TRIM24: variants seen among roughly 807,000 people sequenced by gnomAD.
TRIM24 encodes the protein transcription intermediary factor 1-alpha.
A neutral mutation model predicts 123.9 loss-of-function variants in TRIM24; 29 were observed. The ratio of observed to expected loss-of-function variants is 0.23; its 90% CI spans 0.17 to 0.32. The LOEUF (loss-of-function observed/expected upper bound fraction) is 0.32, where lower values mean the gene tolerates loss of function less well. Ranked by LOEUF, TRIM24 falls within the 10% of genes least tolerant of loss-of-function variation. The probability of loss-of-function intolerance (pLI) is 1.00; values close to 1 mark genes in which losing one functional copy is unlikely to be tolerated. For missense variants in TRIM24, 932 were observed against 1,295.3 expected, an observed-to-expected ratio of 0.72 and a Z score of 4.31; for synonymous variants, 456 against 461.1, an observed-to-expected ratio of 0.99 and a Z score of 0.14.
chr7:138,479,835 T>C (rs1483328322), intron 1 of TRIM24, among the ~76,000 whole-genome samples: 1 of 150,152 alleles, frequency 6.7e-6, no homozygotes, highest in Non-Finnish European at 1.5e-5. Context: ...TTATTTTTTT[T>C]TGAGACAGAG....
In TRIM24 at chr7:138,551,089, T is replaced by C; in HGVS notation, c.1170T>C (p.Leu390=). The C allele has an allele frequency of 1.2e-6, 2 of 1,613,824 alleles. No individual in the cohort carries two copies. The highest frequency in any genetic ancestry group is 1.7e-6 in the Non-Finnish European group (2 of 1,179,778). Residue 390 remains leucine, a synonymous_variant, in exon 8 of 19, where the codon CTT becomes CTC. Coordinates refer to ENST00000343526, the MANE Select transcript of TRIM24 (RefSeq NM_015905.3). The part of the protein sequence containing the change: ...RLITYRLRHL[L]RARCDASPVT... ...TTACATACCGGTTACGGCACCTCCTTCGTGCAAGGTGTGATGCATCCCCAG... is the reference window on the plus strand; with the variant it reads ...TTACATACCGGTTACGGCACCTCCTCCGTGCAAGGTGTGATGCATCCCCAG...
At chr7:138,532,131 G>A (rs1180830729) in intron 6 of TRIM24, among the ~76,000 whole-genome samples, 2 of 151,798 alleles carry the variant, frequency 1.3e-5, no homozygotes, top group Non-Finnish European at 2.9e-5. Flanking sequence ...TGTCAGATGA[G>A]TAGATTGCAA....
intron 7 of TRIM24, among the ~76,000 whole-genome samples, chr7:138,539,323 T>C (rs942362784): frequency 5.9e-5 from 9 of 152,130 alleles, no homozygotes; most frequent in African/African-American, 2.2e-4. Flanking sequence ...CAATCTGTAG[T>C]GCTGGATATT....
At chr7:138,486,219 G>C (rs566173517) in intron 1 of TRIM24, among the ~76,000 whole-genome samples, 111 of 152,072 alleles carry the variant, frequency 7.3e-4, no homozygotes, top group African/African-American at 2.6e-3. Context: ...TACATTCTTT[G>C]TAGATTCTGG....
At chr7:138,555,108 T>G in intron 9 of TRIM24, 142 bp downstream of exon 9, 2 of 846,720 alleles carry the variant, frequency 2.4e-6, no homozygotes, top group East Asian at 5.3e-5. Context: ...ATCCCTGATT[T>G]AATGCCTAGT....
chr7:138,495,188 G>A (rs1795876125), intron 1 of TRIM24, among the ~76,000 whole-genome samples: 2 of 152,134 alleles, frequency 1.3e-5, no homozygotes, highest in Admixed American at 1.3e-4. Context: ...TGATAAAGAT[G>A]GAAGAGAAAT....
At position 138,538,739 on chromosome 7, in the gene TRIM24, T is replaced by A. The variant is rs1796943576; in HGVS notation, c.1079T>A (p.Met360Lys). Residue 360 changes from methionine (M) to lysine (K), a missense_variant, in exon 7 of 19, where the codon ATG (methionine) becomes AAG (lysine). Met to Lys is a moderately conservative substitution (Grantham distance 95). This residue lies in a region of TRIM24 where 527 missense variants were observed against 691.3 expected (regional missense o/e 0.76). Transcript: ENST00000343526. ...AGLSKQLEHV[M>K]HFSKWAVSSG... ...CTCTCTAAACAATTGGAGCATGTCA[T>A]GCATTTTTCTAAATGGGCAGTTTCC... The A allele has an allele frequency of 6.2e-7, 1 of 1,614,050 alleles. No homozygotes were observed. Among genetic ancestry groups the A allele is most frequent in the Non-Finnish European group, 8.5e-7 (1 of 1,180,014 alleles).
intron 1 of TRIM24, among the ~76,000 whole-genome samples, chr7:138,496,045 T>C (rs1466183981): frequency 6.6e-6 from 1 of 152,206 alleles, no homozygotes; most frequent in Admixed American, 6.5e-5. Context: ...GTCCTCCAAA[T>C]TTGGTATTTT....
chr7:138,569,010 TA>T (rs1160150572), intron 10 of TRIM24, among the ~76,000 whole-genome samples: 1 of 152,208 alleles, frequency 6.6e-6, no homozygotes, highest in East Asian at 1.9e-4. Context: ...TTATTTAAAA[TA>T]AAATTCATAC....
At chr7:138,584,398 G>A (rs1465907689) in intron 18 of TRIM24, among the ~76,000 whole-genome samples, 2 of 152,050 alleles carry the variant, frequency 1.3e-5, no homozygotes, top group African/African-American at 4.8e-5. Context: ...TGCTGCTGGT[G>A]GTTTGTTCTC....
At chr7:138,515,126 C>T (rs1796369056) in intron 2 of TRIM24, 86 bp from the exon 3 acceptor site, 2 of 1,359,082 alleles carry the variant, frequency 1.5e-6, no homozygotes, top group South Asian at 1.8e-5. Flanking sequence ...TAGCCTGGTA[C>T]AATTGGTGTA....
intron 1 of TRIM24, among the ~76,000 whole-genome samples, chr7:138,477,366 G>A (rs1466958451): frequency 6.6e-6 from 1 of 152,050 alleles, no homozygotes; most frequent in Non-Finnish European, 1.5e-5. Context: ...GACTGCTAGC[G>A]AGGCAAGAAA....
chr7:138,536,643 A>G (rs756257197), intron 6 of TRIM24, among the ~76,000 whole-genome samples: 19 of 152,188 alleles, frequency 1.2e-4, no homozygotes, highest in East Asian at 7.7e-4. Context: ...GTGCCTCCCA[A>G]TTAGGCTACT....
intron 2 of TRIM24, 140 bp from the exon 3 acceptor site, chr7:138,515,072 G>A: frequency 1.5e-6 from 1 of 657,292 alleles, no homozygotes; most frequent in South Asian, 3.5e-5. Context: ...TAACACACAA[G>A]GTCAGTTTAA....
intron 4 of TRIM24, among the ~76,000 whole-genome samples, chr7:138,520,298 T>G (rs112564542): frequency 1.9e-4 from 29 of 152,366 alleles, no homozygotes; most frequent in African/African-American, 6.7e-4. Context: ...TAGTAAGTTG[T>G]TCCTCACAGG....
At chr7:138,491,117 A>G (rs1795771718) in intron 1 of TRIM24, 2 of 291,908 alleles carry the variant, frequency 6.9e-6, no homozygotes, top group African/African-American at 2.3e-5. Flanking sequence ...TTTGATAATC[A>G]GTTTGAATTT....
At chr7:138,522,079 G>A (rs541824106) in intron 4 of TRIM24, among the ~76,000 whole-genome samples, 157 of 152,198 alleles carry the variant, frequency 1.0e-3, no homozygotes, top group African/African-American at 3.6e-3. Context: ...AGGAGTTTGA[G>A]TTCAGCCTGG....
At chr7:138,509,602 G>C (rs1796242119) in intron 2 of TRIM24, among the ~76,000 whole-genome samples, 1 of 149,358 alleles carries the variant, frequency 6.7e-6, no homozygotes, top group South Asian at 2.1e-4. Context: ...TACTTGGGAG[G>C]GTGAGGCAGG....
chr7:138,569,639 G>C (rs1040438784), intron 10 of TRIM24, among the ~76,000 whole-genome samples: 5 of 152,144 alleles, frequency 3.3e-5, no homozygotes, highest in African/African-American at 1.2e-4. Flanking sequence ...GAATATGAGG[G>C]AGGAGTAGGT....
Sources: gnomAD v4.1 joint callset for allele counts (sites outside exome capture counted in the v4.1 genomes callset) on GRCh38, gnomAD v4.1.1 for gene constraint, gnomAD v4.1.1 regional missense constraint, MANE v1.5 for transcripts, NCBI Gene and HGNC (gene_info 2026-07-23, HGNC 2026-07-21) for gene names.